CATSPERG: variants seen among roughly 807,000 people sequenced by gnomAD.
The protein encoded by CATSPERG is catsper channel auxiliary subunit gamma, also known as cation channel sperm-associated auxiliary subunit gamma.
Under a neutral mutation model 145.0 loss-of-function variants are expected in CATSPERG, and 115 were observed. The ratio of observed to expected loss-of-function variants is 0.79; its 90% confidence interval spans 0.68 to 0.93. The LOEUF is 0.93. Among genes scored for constraint, CATSPERG ranks in the 40% least tolerant of loss-of-function variants. CATSPERG has a pLI of 0.00. For synonymous variants in CATSPERG, 588 were observed against 589.0 expected (o/e 1.00, Z 0.02); for missense variants, 1,296 against 1,490.1 (o/e 0.87, Z 2.14).
intron 1 of CATSPERG, chr19:38,336,403 G>A (rs1969836945): frequency 8.6e-6 from 3 of 350,656 alleles, no homozygotes; most frequent in Admixed American, 3.5e-5. Context: ...CCGAGAACCC[G>A]GGGAAGGAAC....
chr19:38,370,431 C>T, intron 28 of CATSPERG, 95 bp from the exon 29 acceptor site: 1 of 1,538,562 alleles, frequency 6.5e-7, no homozygotes, highest in Admixed American at 1.7e-5. Context: ...GCTGTCATGC[C>T]TCCATCTGTC....
chr19:38,337,861 G>C (rs1969869873), intron 3 of CATSPERG: 1 of 438,592 alleles, frequency 2.3e-6, no homozygotes, highest in Admixed American at 3.8e-5. Flanking sequence ...TGGAACTACA[G>C]GCATGTGACA....
At chr19:38,340,381 C>T (rs1969917290) in intron 3 of CATSPERG, among the ~76,000 whole-genome samples, 1 of 151,284 alleles carries the variant, frequency 6.6e-6, no homozygotes, top group Non-Finnish European at 1.5e-5. Context: ...AGTACAGTGG[C>T]ATGATCTCGG....
chr19:38,362,143 A>G, intron 17 of CATSPERG, 67 bp from the exon 18 acceptor site: 1 of 1,517,484 alleles, frequency 6.6e-7, no homozygotes, highest in Non-Finnish European at 8.9e-7. Flanking sequence ...TGGTCTGGGG[A>G]TGCCGCTTGC....
intron 21 of CATSPERG, 38 bp downstream of exon 21, chr19:38,365,009 G>A (rs757290904): frequency 3.7e-6 from 6 of 1,613,650 alleles, no homozygotes; most frequent in Non-Finnish European, 5.1e-6. Flanking sequence ...GCAGGATGGT[G>A]GGAAAGCCTG....
At chr19:38,367,090 C>T (rs1970462817) in intron 22 of CATSPERG, 66 bp from the exon 23 acceptor site, 1 of 1,480,828 alleles carries the variant, frequency 6.8e-7, no homozygotes, top group Non-Finnish European at 9.0e-7. Flanking sequence ...CCTTCCTGCC[C>T]CTTACCCCTC....
In CATSPERG at chr19:38,344,333, C is replaced by T. The variant is rs776137239; in HGVS notation, c.634C>T (p.Arg212Trp). The T allele has an allele frequency of 3.2e-5, 49 of 1,551,566 alleles. No homozygotes were observed. The Middle Eastern group carries it at 1.0e-3, about 32-fold the overall frequency. The stretch of plus-strand genomic sequence containing the variant: ...TATCAACGGCTTCCTGAAGAGAGAC[C>T]GGGACAATAACATCCAATTCACTGT... ...MNINGFLKRD[R>W]DNNIQFTVGE... The change falls in exon 6 of 29, where the codon CGG (arginine) becomes TGG (tryptophan). Residue 212 changes from arginine to tryptophan, a missense_variant. By Grantham distance (101) the Arg-to-Trp change is moderately radical. Coordinates refer to ENST00000409235, the MANE Select transcript of CATSPERG (RefSeq NM_021185.5).
chr19:38,339,534 G>C (rs75564688), intron 3 of CATSPERG, among the ~76,000 whole-genome samples: 26 of 152,028 alleles, frequency 1.7e-4, no homozygotes, highest in African/African-American at 6.0e-4. Context: ...GCGCAATCTC[G>C]GCACACTGCA....
chr19:38,354,967 G>T lies in CATSPERG; in HGVS notation c.1135+120G>T. 3 of 1,156,614 alleles carry T rather than the reference G, an allele frequency of 2.6e-6. No homozygotes were observed. In the South Asian group the frequency reaches 4.5e-5, roughly 17 times the overall value. The allele number at this position is 1,156,614 out of a possible 1,614,324, so 71.6% of individuals were successfully genotyped here. On this transcript the variant is annotated intron_variant, in intron 9 of 28. Coordinates refer to ENST00000409235, the MANE Select transcript of CATSPERG (RefSeq NM_021185.5). ...GCCCTGAGGAGGGCCCCTAGGCTGA[G>T]GGTGATGGTGGTGGTGGAGGGATGC...
chr19:38,352,555 C>G, intron 8 of CATSPERG, 123 bp downstream of exon 8: 1 of 937,078 alleles, frequency 1.1e-6, no homozygotes, highest in Non-Finnish European at 1.7e-6. Flanking sequence ...GCCAAGGCCC[C>G]AAATCACCCT....
At chr19:38,362,883 T>TG in intron 20 of CATSPERG, 51 bp downstream of exon 20, 1 of 1,264,708 alleles carries the variant, frequency 7.9e-7, no homozygotes, top group Non-Finnish European at 1.1e-6. Context: ...TTTTTTTTTT[T>TG]TTTTTTTTTT....
intron 3 of CATSPERG, among the ~76,000 whole-genome samples, chr19:38,340,883 AC>A (rs1171784217): frequency 8.5e-5 from 11 of 129,044 alleles, no homozygotes; most frequent in Non-Finnish European, 1.6e-4. Context: ...ATGAGGTAAT[AC>A]GTTAGAAAGG....
intron 6 of CATSPERG, among the ~76,000 whole-genome samples, chr19:38,345,157 G>A (rs987556420): frequency 1.3e-5 from 2 of 151,262 alleles, no homozygotes; most frequent in East Asian, 1.9e-4. Flanking sequence ...GCAGTGGTAC[G>A]ATCTTGCCTC....
intron 28 of CATSPERG, 70 bp from the exon 29 acceptor site, chr19:38,370,456 T>C: frequency 1.3e-6 from 2 of 1,588,200 alleles, no homozygotes; most frequent in Non-Finnish European, 8.6e-7. Context: ...TCCCTGTCAC[T>C]GTGGATGCAG....
At chr19:38,362,025 T>A in intron 17 of CATSPERG, 164 bp downstream of exon 17, 1 of 927,264 alleles carries the variant, frequency 1.1e-6, no homozygotes, top group Non-Finnish European at 1.6e-6. Flanking sequence ...GAGCAGGACT[T>A]CCAGGGGAAG....
chr19:38,364,947 T>C lies in CATSPERG; in HGVS notation c.2532T>C (p.Leu844=). Residue 844 remains leucine (L), a synonymous_variant, in exon 21 of 29, where the codon CTT becomes CTC. Coordinates refer to ENST00000409235, the MANE Select transcript of CATSPERG (RefSeq NM_021185.5). The part of the protein sequence containing the change: ...CYDQGISGHH[L]METSMTVNVV... Reference sequence around the variant, plus strand: ...ACCAAGGCATTAGTGGACATCACCTTATGGAGACTTCCATGACGGTCAATG... The same window carrying C: ...ACCAAGGCATTAGTGGACATCACCTCATGGAGACTTCCATGACGGTCAATG... The C allele has an allele frequency of 6.2e-7, 1 of 1,614,080 alleles. No individual in the cohort carries two copies. Among genetic ancestry groups the C allele is most frequent in the Non-Finnish European group, 8.5e-7 (1 of 1,179,914 alleles).
At chr19:38,362,943 G>A (rs578168864) in intron 20 of CATSPERG, 111 bp downstream of exon 20, 5 of 747,394 alleles carry the variant, frequency 6.7e-6, no homozygotes, top group Non-Finnish European at 8.7e-6. Flanking sequence ...CCAGTGGAGC[G>A]ATCACTGCAT....
rs549970974 is a variant in CATSPERG, at chr19:38,341,331, CAGG to C, written c.325-2246_325-2244del. Reference sequence around the variant, plus strand: ...GGAGGAGGCTGCTACATTGCCCAGGCAGGAGATGACGGGGACAGGACCAGGGTG... The same window carrying C: ...GGAGGAGGCTGCTACATTGCCCAGGCAGATGACGGGGACAGGACCAGGGTG... On this transcript the variant is annotated intron_variant, in intron 3 of 28. Transcript: ENST00000409235. Among the ~76,000 whole-genome samples the C allele has an allele frequency of 9.2e-5, 14 of 152,270 alleles. No individual in the cohort carries two copies. The East Asian group carries it at 2.7e-3, about 29-fold the overall frequency.
intron 3 of CATSPERG, among the ~76,000 whole-genome samples, chr19:38,338,875 T>TATTA (rs748294753): frequency 3.9e-5 from 6 of 152,112 alleles, no homozygotes; most frequent in South Asian, 2.1e-4. Context: ...TCTTTGTTTT[T>TATTA]ATTAATTAAT....
Sources: allele counts gnomAD v4.1 joint callset (sites outside exome capture counted in the v4.1 genomes callset), GRCh38; gene constraint gnomAD v4.1.1; transcripts MANE v1.5; gene names NCBI Gene and HGNC (gene_info 2026-07-23, HGNC 2026-07-21).